Variants in ERCC6L2 observed in about 807,000 individuals in gnomAD.
ERCC6L2 encodes the protein DNA excision repair protein ERCC-6-like 2.
A neutral mutation model predicts 132.0 loss-of-function variants in ERCC6L2; 77 were observed. The observed-to-expected ratio is 0.58, with a 90% CI of 0.49 to 0.71. The LOEUF (loss-of-function observed/expected upper bound fraction) is 0.71. ERCC6L2 is among the 30% of genes least tolerant of loss of function. The pLI is 0.00. For synonymous variants in ERCC6L2, 583 were observed against 632.4 expected (o/e 0.92, Z 1.17); for missense variants, 1,542 against 1,837.6 (o/e 0.84, Z 2.94).
intron 2 of ERCC6L2, among the ~76,000 whole-genome samples, chr9:95,888,910 T>C (rs1828016118): frequency 6.6e-6 from 1 of 152,136 alleles, no homozygotes; most frequent in African/African-American, 2.4e-5. Context: ...ATATAATTAA[T>C]ATATAGCTAA....
rs1426159970 is a variant in ERCC6L2 at position 95,875,713 on chromosome 9, T to A, written c.-326T>A. 1 of 407,456 alleles carries A rather than the reference T, an allele frequency of 2.5e-6. No homozygotes were observed. The highest frequency in any genetic ancestry group is 6.6e-4 in the Middle Eastern group (1 of 1,506). 25.2% of individuals were successfully genotyped at this position (407,456 alleles called of 1,614,324 possible). ...GTCAGAGCCTAGGAAGATTTGGGGG[T>A]CGCCTTGCCGGCCTCCTGTCCTCCT... On this transcript the variant is annotated 5_prime_UTR_variant, in exon 1 of 19. Coordinates refer to ENST00000653738, the MANE Select transcript of ERCC6L2 (RefSeq NM_020207.7).
chr9:95,972,852 ACT>A lies in ERCC6L2; in HGVS notation c.3105_3106del (p.Gln1036ValfsTer3). The A allele has an allele frequency of 3.8e-6, 5 of 1,305,130 alleles. No homozygotes were observed. Among genetic ancestry groups the A allele is most frequent in the Non-Finnish European group, 5.1e-6 (5 of 988,908 alleles). 80.8% of individuals were successfully genotyped at this position (1,305,130 alleles called of 1,614,324 possible). ...GTGTATGCAGCAAATGAGGATCATAACTCTCAGTTTATTGATGATTATTCATC... is the reference window on the plus strand; with the variant it reads ...GTGTATGCAGCAAATGAGGATCATAACTCAGTTTATTGATGATTATTCATC... On this transcript the variant is annotated frameshift_variant, in exon 16 of 19. Transcript: ENST00000653738. LOFTEE classifies it high-confidence loss of function.
chr9:96,023,604 C>G (rs1834323992), intron 19 of ERCC6L2, among the ~76,000 whole-genome samples: 1 of 152,180 alleles, frequency 6.6e-6, no homozygotes, highest in Non-Finnish European at 1.5e-5. Context: ...ACTAAGAAAT[C>G]AGTGCTATTT....
intron 20 of ERCC6L2, among the ~76,000 whole-genome samples, chr9:96,040,850 A>C (rs1405621103): frequency 6.6e-6 from 1 of 152,248 alleles, no homozygotes; most frequent in African/African-American, 2.4e-5. Flanking sequence ...GTAGTTGTTT[A>C]ATGTTGAGAC....
chr9:95,967,730 T>A (rs1431351359), intron 14 of ERCC6L2: 3 of 152,144 alleles, frequency 2.0e-5, no homozygotes, highest in African/African-American at 7.2e-5. Flanking sequence ...CTGAATTCAG[T>A]GGCCCATTTG....
At chr9:95,929,681 TGGG>T (rs1479662055) in intron 11 of ERCC6L2, among the ~76,000 whole-genome samples, 2 of 152,202 alleles carry the variant, frequency 1.3e-5, no homozygotes, top group Non-Finnish European at 2.9e-5. Context: ...CTAAGGCAAA[TGGG>T]GAAAAGCTTT....
intron 17 of ERCC6L2, among the ~76,000 whole-genome samples, chr9:95,987,694 A>G (rs1271337895): frequency 6.6e-6 from 1 of 152,082 alleles, no homozygotes; most frequent in African/African-American, 2.4e-5. Flanking sequence ...CAGTGGATCT[A>G]CCATTATGGG....
chr9:95,886,073 T>C (rs1448026810), intron 2 of ERCC6L2, among the ~76,000 whole-genome samples: 1 of 152,162 alleles, frequency 6.6e-6, no homozygotes, highest in African/African-American at 2.4e-5. Flanking sequence ...TGGAGTGCAG[T>C]AGCGAGATCT....
chr9:95,893,822 A>G (rs1828295573), intron 2 of ERCC6L2, among the ~76,000 whole-genome samples: 1 of 152,106 alleles, frequency 6.6e-6, no homozygotes, highest in South Asian at 2.1e-4. Flanking sequence ...TCAAAGGATG[A>G]TCATTTGGCA....
intron 20 of ERCC6L2, among the ~76,000 whole-genome samples, chr9:96,039,677 G>A (rs890215283): frequency 2.0e-5 from 3 of 152,134 alleles, no homozygotes; most frequent in African/African-American, 7.2e-5. Flanking sequence ...ACCCTGCAGG[G>A]AGGTTTTCCC....
chr9:95,905,219 G>A (rs774623465), intron 3 of ERCC6L2: 33 of 152,130 alleles, frequency 2.2e-4, no homozygotes, highest in Non-Finnish European at 3.5e-4. Context: ...TTGGATTGTA[G>A]GAAATGCTAA....
chr9:95,978,502 A>G (rs887063467), intron 17 of ERCC6L2, among the ~76,000 whole-genome samples: 5 of 152,224 alleles, frequency 3.3e-5, no homozygotes, highest in Non-Finnish European at 5.9e-5. Context: ...TGAGGGAATC[A>G]TGTAGTTCAA....
chr9:95,987,224 C>T (rs554796467), intron 17 of ERCC6L2, among the ~76,000 whole-genome samples: 1 of 152,264 alleles, frequency 6.6e-6, no homozygotes, highest in Non-Finnish European at 1.5e-5. Context: ...CCTCACATTT[C>T]AAAACCAGTC....
intron 9 of ERCC6L2, among the ~76,000 whole-genome samples, chr9:95,924,808 C>T (rs79916212): frequency 0.012 from 1,801 of 152,102 alleles, 25 homozygotes; most frequent in Non-Finnish European, 0.016. Flanking sequence ...AAAAGGTAAG[C>T]ATAAATTGTT....
intron 13 of ERCC6L2, among the ~76,000 whole-genome samples, chr9:95,960,295 C>A (rs1468767313): frequency 6.6e-6 from 1 of 152,116 alleles, no homozygotes; most frequent in Non-Finnish European, 1.5e-5. Context: ...AATTACCCAA[C>A]AGTTTAGGAA....
chr9:95,878,902 A>G (rs1200980514), intron 1 of ERCC6L2, among the ~76,000 whole-genome samples: 1 of 151,956 alleles, frequency 6.6e-6, no homozygotes, highest in African/African-American at 2.4e-5. Context: ...AATCCAGTCT[A>G]TCATTGTTGG....
At chr9:95,906,626 G>C (rs2132655280) in intron 3 of ERCC6L2, 1 of 456,186 alleles carries the variant, frequency 2.2e-6, no homozygotes, top group East Asian at 6.9e-5. Flanking sequence ...ATCTGAAAGA[G>C]GGGGAGCGGA....
rs1162520803 is a variant in ERCC6L2 at position 95,921,291 on chromosome 9, A to T, written c.1275A>T (p.Gln425His). The T allele has an allele frequency of 1.2e-6, 2 of 1,612,116 alleles. No homozygotes were observed. The highest frequency in any genetic ancestry group is 2.2e-5 in the South Asian group (2 of 90,670). The change falls in exon 7 of 19, where the codon CAA (glutamine) becomes CAT (histidine). Residue 425 changes from glutamine to histidine, a missense_variant. By Grantham distance (24) the Gln-to-His change is conservative. Around this residue, in one of 4 missense-constraint regions of ERCC6L2, gnomAD observed 945 missense variants for 1,105.2 expected, o/e 0.86. Coordinates refer to ENST00000653738, the MANE Select transcript of ERCC6L2 (RefSeq NM_020207.7). ...SSEPCTCRSG[Q>H]KRRNCCYKTN... ...AGCCTTGTACCTGTAGGAGTGGCCA[A>T]AAAAGGAGAAATTGTTGTTATAAGG... is the stretch of plus-strand genomic sequence containing the variant.
rs190042194 is a variant in ERCC6L2 at position 95,913,482 on chromosome 9, C to T, written c.789-2186C>T. On this transcript the variant is annotated intron_variant, in intron 4 of 18. Coordinates refer to ENST00000653738, the MANE Select transcript of ERCC6L2 (RefSeq NM_020207.7). ...GCCCGCTTGCTTGCTTTCTCTCTTT[C>T]TCTCTTTCTTTCTTTCTGAATATTG... Among the ~76,000 whole-genome samples, 107 of 152,234 alleles carry T rather than the reference C, an allele frequency of 7.0e-4. 1 individual carries two copies. The highest frequency in any genetic ancestry group is 2.4e-4 in the Non-Finnish European group (16 of 67,996).
Sources: gnomAD v4.1 joint callset for allele counts (sites outside exome capture counted in the v4.1 genomes callset) on GRCh38, gnomAD v4.1.1 for gene constraint, gnomAD v4.1.1 regional missense constraint, MANE v1.5 for transcripts, NCBI Gene and HGNC (gene_info 2026-07-23, HGNC 2026-07-21) for gene names.